The following FA2H variants were observed in gnomAD, a reference collection of about 807,000 sequenced individuals.
The protein encoded by FA2H is fatty acid alpha-hydroxylase.
A neutral mutation model predicts 44.9 loss-of-function variants in FA2H; 22 were observed. The observed-to-expected ratio is 0.49, with a 90% CI of 0.35 to 0.70. The LOEUF (loss-of-function observed/expected upper bound fraction) is 0.70. Among genes scored for constraint, FA2H ranks in the 30% least tolerant of loss-of-function variants. The probability of loss-of-function intolerance (pLI) is 0.01; values close to 1 mark genes in which losing one functional copy is unlikely to be tolerated. For synonymous variants in FA2H, 243 were observed against 213.2 expected (o/e 1.14, Z -1.22); for missense variants, 501 against 504.9 (o/e 0.99, Z 0.07).
chr16:74,719,426 G>C (rs1047879729), intron 4 of FA2H, among the ~76,000 whole-genome samples: 3 of 152,218 alleles, frequency 2.0e-5, no homozygotes, highest in Admixed American at 1.3e-4. Context: ...TGGGAGGAGT[G>C]GCTGTGGCTG....
In FA2H at chr16:74,726,145, G is replaced by A. The variant is rs1170657980; in HGVS notation, c.613+80C>T. On this transcript the variant is annotated intron_variant, in intron 4 of 6. Transcript: ENST00000219368. Reference sequence around the variant, plus strand: ...TGTAGTTTGGGGTTCTGTGCTCTCAGAAACTCTGGGCCAGGGAAAGCACTG... The same window carrying A: ...TGTAGTTTGGGGTTCTGTGCTCTCAAAAACTCTGGGCCAGGGAAAGCACTG... 4.3e-5 allele frequency: 41 copies of A among 961,084 alleles called. No individual in the cohort carries two copies. In the South Asian group the frequency reaches 5.3e-4, roughly 12 times the overall value. The allele number at this position is 961,084 out of a possible 1,614,324, so 59.5% of individuals were successfully genotyped here.
At chr16:74,772,129 C>A (rs1169471428) in intron 1 of FA2H, among the ~76,000 whole-genome samples, 1 of 152,166 alleles carries the variant, frequency 6.6e-6, no homozygotes, top group African/African-American at 2.4e-5. Context: ...GTGGCCCCGG[C>A]CGACTTTTGG....
chr16:74,716,788 T>A (rs56664536), intron 5 of FA2H, 189 bp from the exon 6 acceptor site: 5 of 522,232 alleles, frequency 9.6e-6, no homozygotes, highest in African/African-American at 3.9e-5. Flanking sequence ...CTGTCTTACT[T>A]CCCATTTGTG....
chr16:74,765,613 C>A (rs78757594), intron 1 of FA2H, among the ~76,000 whole-genome samples: 2,991 of 152,302 alleles, frequency 0.02, 103 homozygotes, highest in African/African-American at 0.069. Flanking sequence ...GCTGCCCAGA[C>A]TGGAGTACAA....
chr16:74,731,298 C>CTTTTTTTTT (rs796570887), intron 2 of FA2H, among the ~76,000 whole-genome samples: 3 of 131,370 alleles, frequency 2.3e-5, no homozygotes, highest in Non-Finnish European at 3.2e-5. Flanking sequence ...CCACGTCTGG[C>CTTTTTTTTT]TTTTTTTTTT....
intron 1 of FA2H, among the ~76,000 whole-genome samples, chr16:74,753,206 C>T (rs2144650483): frequency 6.6e-6 from 1 of 152,264 alleles, no homozygotes; most frequent in Non-Finnish European, 1.5e-5. Flanking sequence ...ATTAACTTGC[C>T]CAAAGTCACA....
intron 1 of FA2H, among the ~76,000 whole-genome samples, chr16:74,773,110 G>A (rs183031473): frequency 3.9e-5 from 6 of 152,136 alleles, no homozygotes; most frequent in East Asian, 3.9e-4. Flanking sequence ...TCCTGGGCTC[G>A]AGCGATCCTC....
Position 74,732,187 on chromosome 16 carries a change from G to A in FA2H, c.364-4801C>T, listed in dbSNP as rs992508407. On this transcript the variant is annotated intron_variant, in intron 2 of 6. Coordinates refer to ENST00000219368, the MANE Select transcript of FA2H (RefSeq NM_024306.5). ...GCATGAGCCACTGTGCCTGGCCAGC[G>A]CCCCTGGTTTTTCTATGTCCCACTT... is the stretch of plus-strand genomic sequence containing the variant. 6.6e-5 allele frequency among the ~76,000 whole-genome samples: 10 copies of A among 152,024 alleles called. 1 individual carries two copies. Among genetic ancestry groups the A allele is most frequent in the South Asian group, 4.2e-4 (2 of 4,818 alleles).
intron 1 of FA2H, among the ~76,000 whole-genome samples, chr16:74,761,350 G>C (rs1450943003): frequency 6.6e-6 from 1 of 152,044 alleles, no homozygotes; most frequent in African/African-American, 2.4e-5. Context: ...CTACTCGGGA[G>C]GCTGAGACTG....
chr16:74,747,436 G>A (rs144081718), intron 1 of FA2H, among the ~76,000 whole-genome samples: 139 of 152,250 alleles, frequency 9.1e-4, no homozygotes, highest in South Asian at 3.5e-3. Context: ...CCAGGGTCTC[G>A]CTTCCCAGTG....
intron 1 of FA2H, among the ~76,000 whole-genome samples, chr16:74,741,806 ATAT>A (rs2058906605): frequency 1.6e-5 from 1 of 60,766 alleles, no homozygotes; most frequent in South Asian, 6.0e-4. Flanking sequence ...ATATATATAT[ATAT>A]GTGTGTGTGT....
intron 4 of FA2H, among the ~76,000 whole-genome samples, chr16:74,722,784 G>T (rs938101414): frequency 2.0e-5 from 3 of 152,158 alleles, no homozygotes; most frequent in African/African-American, 7.2e-5. Flanking sequence ...GGTGGTGCAT[G>T]CCTGTAATCC....
chr16:74,741,804 A>G (rs1291593868), intron 1 of FA2H, among the ~76,000 whole-genome samples: 678 of 57,682 alleles, frequency 0.012, 6 homozygotes, highest in African/African-American at 0.025. Flanking sequence ...ATATATATAT[A>G]TATATGTGTG....
At chr16:74,720,805 C>T (rs534426394) in intron 4 of FA2H, among the ~76,000 whole-genome samples, 2 of 152,318 alleles carry the variant, frequency 1.3e-5, no homozygotes, top group South Asian at 4.1e-4. Flanking sequence ...TTTGCCTATT[C>T]TGGACATTTC....
intron 1 of FA2H, among the ~76,000 whole-genome samples, chr16:74,745,060 C>T (rs531952886): frequency 3.9e-5 from 6 of 152,240 alleles, no homozygotes; most frequent in Admixed American, 1.3e-4. Context: ...TACCCTGAGG[C>T]GAACGAGACT....
intron 1 of FA2H, among the ~76,000 whole-genome samples, chr16:74,743,939 C>T (rs889367378): frequency 2.0e-5 from 3 of 152,146 alleles, no homozygotes; most frequent in Admixed American, 1.3e-4. Context: ...ACACGTCCTC[C>T]GGTGCATTGT....
chr16:74,748,773 G>A (rs1012615171), intron 1 of FA2H, among the ~76,000 whole-genome samples: 10 of 152,262 alleles, frequency 6.6e-5, no homozygotes, highest in African/African-American at 2.4e-4. Context: ...CGGCGGGCGG[G>A]GGCTGGGGGC....
chr16:74,726,390 CTTTCT>C (rs1040346190), intron 3 of FA2H, 59 bp from the exon 4 acceptor site: 1 of 1,060,318 alleles, frequency 9.4e-7, no homozygotes, highest in Non-Finnish European at 1.4e-6. Context: ...CAGAGTACAG[CTTTCT>C]TTTTTTTTTT....
intron 4 of FA2H, among the ~76,000 whole-genome samples, chr16:74,724,435 T>G (rs542131770): frequency 5.3e-5 from 8 of 152,316 alleles, no homozygotes; most frequent in Admixed American, 1.3e-4. Context: ...CATTTTCATG[T>G]GCGCATCTAG....
Sources: gnomAD v4.1 joint callset for allele counts (sites outside exome capture counted in the v4.1 genomes callset) on GRCh38, gnomAD v4.1.1 for gene constraint, MANE v1.5 for transcripts, NCBI Gene and HGNC (gene_info 2026-07-23, HGNC 2026-07-21) for gene names.